GARIN5A: variants seen among roughly 807,000 people sequenced by gnomAD.
GARIN5A encodes the protein Golgi-associated RAB2 interactor protein 5A.
At chr19:50,472,000 G>GTGTA in the GARIN5A span, among the ~76,000 whole-genome samples, 73 of 150,086 alleles carry the variant, frequency 4.9e-4, no homozygotes, top group African/African-American at 1.8e-3. Flanking sequence ...ATATATACGT[G>GTGTA]TATGTATATA....
the GARIN5A span, among the ~76,000 whole-genome samples, chr19:50,472,083 T>C: frequency 1.1e-4 from 15 of 135,916 alleles, no homozygotes; most frequent in African/African-American, 4.5e-4. Flanking sequence ...TATATACATG[T>C]GTGTATATGT....
chr19:50,470,513 C>CA, the GARIN5A span, among the ~76,000 whole-genome samples: 133 of 127,852 alleles, frequency 1.0e-3, no homozygotes, highest in East Asian at 2.1e-3. Flanking sequence ...GGCTCCGTCT[C>CA]AAAAAAAAAA....
the GARIN5A span, chr19:50,476,101 C>T: frequency 6.2e-6 from 10 of 1,611,554 alleles, no homozygotes; most frequent in East Asian, 1.3e-4. Flanking sequence ...CCAGGTCCAA[C>T]CCCTCTAGGC....
the GARIN5A span, among the ~76,000 whole-genome samples, chr19:50,468,766 T>C: frequency 3.3e-5 from 5 of 152,104 alleles, no homozygotes; most frequent in Admixed American, 6.5e-5. Context: ...CATGCCTGGC[T>C]AATTTTTCTA....
chr19:50,470,601 G>A, the GARIN5A span, among the ~76,000 whole-genome samples: 5 of 151,388 alleles, frequency 3.3e-5, no homozygotes, highest in African/African-American at 1.2e-4. Flanking sequence ...TATGGGTGTC[G>A]TGCTGACGAG....
chr19:50,476,350 G>C, the GARIN5A span: 1 of 1,577,574 alleles, frequency 6.3e-7, no homozygotes, highest in Non-Finnish European at 8.6e-7. Flanking sequence ...TCCCTGGAGG[G>C]GGCGGCTCCT....
the GARIN5A span, among the ~76,000 whole-genome samples, chr19:50,471,720 GCATA>G: frequency 1.4e-5 from 2 of 146,864 alleles, no homozygotes; most frequent in African/African-American, 2.6e-5. Flanking sequence ...GTGTGTATAC[GCATA>G]CATGCACGTG....
chr19:50,472,137 T>C, the GARIN5A span, among the ~76,000 whole-genome samples: 1 of 139,490 alleles, frequency 7.2e-6, no homozygotes, highest in African/African-American at 2.9e-5. Flanking sequence ...CGTGTGTATA[T>C]GTATGTATAC....
At chr19:50,470,620 C>A in the GARIN5A span, among the ~76,000 whole-genome samples, 1 of 148,700 alleles carries the variant, frequency 6.7e-6, no homozygotes, top group Non-Finnish European at 1.5e-5. Flanking sequence ...AGGGGGTGGG[C>A]GCAGGGAGAA....
At chr19:50,475,312 T>G in the GARIN5A span, 1 of 1,575,312 alleles carries the variant, frequency 6.3e-7, no homozygotes. Flanking sequence ...TCGGCTGAGG[T>G]GGGGGCAGTT....
At chr19:50,472,259 G>GTGTGTATATATGTATATATACATGTA in the GARIN5A span, among the ~76,000 whole-genome samples, 19 of 66,866 alleles carry the variant, frequency 2.8e-4, no homozygotes, top group African/African-American at 1.1e-3. Flanking sequence ...ATACATGTAT[G>GTGTGTATATATGTATATATACATGTA]TGTGTATATA....
At chr19:50,467,900 T>TCC in the GARIN5A span, 1 of 1,445,242 alleles carries the variant, frequency 6.9e-7, no homozygotes, top group Non-Finnish European at 9.5e-7. Flanking sequence ...GGGTCAGGGG[T>TCC]CCCCACCTTG....
chr19:50,475,748 T>A, the GARIN5A span: 1 of 984,208 alleles, frequency 1.0e-6, no homozygotes, highest in Non-Finnish European at 1.6e-6. Context: ...AGATGGACGT[T>A]ATGGGGGAGC....
At chr19:50,469,458 G>C in the GARIN5A span, among the ~76,000 whole-genome samples, 1 of 152,224 alleles carries the variant, frequency 6.6e-6, no homozygotes, top group Non-Finnish European at 1.5e-5. Flanking sequence ...CTGCCTGGTA[G>C]AGTGGGAGCT....
the GARIN5A span, among the ~76,000 whole-genome samples, chr19:50,473,056 G>C: frequency 6.6e-6 from 1 of 152,164 alleles, no homozygotes; most frequent in African/African-American, 2.4e-5. Context: ...GTGTAGAAGA[G>C]AAAATATCTC....
the GARIN5A span, among the ~76,000 whole-genome samples, chr19:50,473,568 C>G: frequency 1.3e-5 from 2 of 152,126 alleles, no homozygotes; most frequent in African/African-American, 4.8e-5. Context: ...CTATGTTGCC[C>G]AGGCTGGTCT....
the GARIN5A span, among the ~76,000 whole-genome samples, chr19:50,469,911 G>A: frequency 6.6e-6 from 1 of 152,174 alleles, no homozygotes; most frequent in Non-Finnish European, 1.5e-5. Context: ...CCCCCAAATA[G>A]AAGAATAACA....
At chr19:50,469,816 T>C in the GARIN5A span, among the ~76,000 whole-genome samples, 1 of 152,070 alleles carries the variant, frequency 6.6e-6, no homozygotes, top group Non-Finnish European at 1.5e-5. Context: ...CACAGACACA[T>C]ATGCGCGGAT....
chr19:50,467,797 A>G, the GARIN5A span: 1 of 1,613,282 alleles, frequency 6.2e-7, no homozygotes, highest in Non-Finnish European at 8.5e-7. Context: ...TTTGTCGTGG[A>G]CAAAGAGCTG....
Sources: allele counts gnomAD v4.1 joint callset (sites outside exome capture counted in the v4.1 genomes callset), GRCh38; gene constraint gnomAD v4.1.1; transcripts MANE v1.5; gene names NCBI Gene and HGNC (gene_info 2026-07-23, HGNC 2026-07-21).